PAM: variants seen among roughly 807,000 people sequenced by gnomAD.
PAM encodes the protein peptidylglycine alpha-amidating monooxygenase, also known as peptidyl-glycine alpha-amidating monooxygenase.
A neutral mutation model predicts 122.1 loss-of-function variants in PAM; 72 were observed. That is an observed-to-expected ratio of 0.59 (90% CI 0.49 to 0.72). PAM has a LOEUF of 0.72. PAM is among the 30% of genes least tolerant of loss of function. The pLI is 0.00. For synonymous variants in PAM, 389 were observed against 404.4 expected, an observed-to-expected ratio of 0.96 and a Z score of 0.46; for missense variants, 1,106 against 1,183.7, an observed-to-expected ratio of 0.93 and a Z score of 0.96.
chr5:102,792,648 AT>A (rs1211883887), intron 1 of PAM, among the ~76,000 whole-genome samples: 2 of 152,222 alleles, frequency 1.3e-5, no homozygotes, highest in Non-Finnish European at 2.9e-5. Context: ...AGTATTTGTA[AT>A]TTGGAATCTC....
chr5:102,846,020 A>C (rs1205607080), intron 1 of PAM, among the ~76,000 whole-genome samples: 1 of 152,194 alleles, frequency 6.6e-6, no homozygotes, highest in Non-Finnish European at 1.5e-5. Flanking sequence ...AGTATATACT[A>C]ACTATACCAC....
chr5:102,912,330 G>A (rs775715749), intron 4 of PAM, among the ~76,000 whole-genome samples: 27 of 151,854 alleles, frequency 1.8e-4, no homozygotes, highest in Non-Finnish European at 3.8e-4. Context: ...GATACAATTA[G>A]ACAACAGTTA....
intron 13 of PAM, among the ~76,000 whole-genome samples, chr5:102,960,759 A>G (rs1335642175): frequency 1.3e-5 from 2 of 151,806 alleles, no homozygotes; most frequent in Non-Finnish European, 2.9e-5. Flanking sequence ...GAGAGAAGTT[A>G]GCATAGCATT....
chr5:102,768,057 G>A (rs1170218476), intron 1 of PAM, among the ~76,000 whole-genome samples: 7 of 152,080 alleles, frequency 4.6e-5, no homozygotes, highest in Non-Finnish European at 2.9e-5. Context: ...TGCACAGCAA[G>A]CACTCAGTCT....
chr5:103,012,182 GTTTGCAA>G (rs1258230298), intron 21 of PAM, among the ~76,000 whole-genome samples: 1 of 152,134 alleles, frequency 6.6e-6, no homozygotes, highest in African/African-American at 2.4e-5. Flanking sequence ...TAGATGGGTA[GTTTGCAA>G]TTTTTTTTCC....
chr5:102,858,856 T>C (rs57924344), intron 1 of PAM, among the ~76,000 whole-genome samples: 11,669 of 152,258 alleles, frequency 0.077, 1,242 homozygotes, highest in African/African-American at 0.24. Flanking sequence ...TGCCTCATAA[T>C]GATGCTTTAC....
intron 3 of PAM, among the ~76,000 whole-genome samples, chr5:102,885,080 A>G (rs1792531465): frequency 7.4e-6 from 1 of 134,604 alleles, no homozygotes; most frequent in Non-Finnish European, 1.5e-5. Context: ...TTGTTTAATA[A>G]CTATATATAT....
rs1771112575 is a variant in PAM, at chr5:102,984,631, A to G, written c.1484-5641A>G. On this transcript the variant is annotated intron_variant, in intron 15 of 25. Coordinates refer to ENST00000438793, the MANE Select transcript of PAM (RefSeq NM_001177306.2). ...TGACCTAAAGGGTGAGATAGACTCC[A>G]ACACAATAATGGTTGGGGACCTCAA... 2.0e-5 allele frequency among the ~76,000 whole-genome samples: 3 copies of G among 152,336 alleles called. No individual in the cohort carries two copies. The South Asian group carries it at 6.2e-4, about 32-fold the overall frequency.
At chr5:102,846,450 A>G (rs1185919307) in intron 1 of PAM, among the ~76,000 whole-genome samples, 2 of 152,120 alleles carry the variant, frequency 1.3e-5, no homozygotes, top group African/African-American at 2.4e-5. Context: ...AGGTTGATCT[A>G]TAAGCGGTTT....
At chr5:102,867,853 CT>C (rs949614322) in intron 3 of PAM, among the ~76,000 whole-genome samples, 3 of 152,304 alleles carry the variant, frequency 2.0e-5, no homozygotes, top group Admixed American at 6.5e-5. Flanking sequence ...ACATTCCACT[CT>C]TTTAAAAGTT....
At chr5:102,959,655 G>A (rs1207994526) in intron 12 of PAM, among the ~76,000 whole-genome samples, 1 of 152,064 alleles carries the variant, frequency 6.6e-6, no homozygotes, top group African/African-American at 2.4e-5. Context: ...TTCATGGTGT[G>A]CCTGCAAACT....
chr5:102,925,668 A>G (rs977656809), intron 6 of PAM, among the ~76,000 whole-genome samples: 3 of 152,220 alleles, frequency 2.0e-5, no homozygotes, highest in African/African-American at 4.8e-5. Context: ...TTGCACTTCA[A>G]ATGAGCCTCA....
At chr5:103,001,970 A>G (rs1428814870) in intron 16 of PAM, among the ~76,000 whole-genome samples, 1 of 152,114 alleles carries the variant, frequency 6.6e-6, no homozygotes, top group Non-Finnish European at 1.5e-5. Context: ...AGAAATATTC[A>G]TAAGTCATTT....
chr5:102,781,432 A>G (rs1485078927), intron 1 of PAM, among the ~76,000 whole-genome samples: 1 of 152,212 alleles, frequency 6.6e-6, no homozygotes, highest in Non-Finnish European at 1.5e-5. Flanking sequence ...TCAGAATTTT[A>G]GTTTTGTAAG....
rs1043016739 is a variant in PAM, at chr5:102,764,474, G to A, written c.-374+9126G>A. On this transcript the variant is annotated intron_variant, in intron 1 of 25. Transcript: ENST00000438793. ...AACTAACTGTGCAAAGATTCTCTAC[G>A]AAGCAGCGGTAACAGGTATAAGATA... 2.8e-4 allele frequency among the ~76,000 whole-genome samples: 43 copies of A among 152,140 alleles called. 1 individual carries two copies. The highest frequency in any genetic ancestry group is 1.5e-4 in the Non-Finnish European group (10 of 67,994).
chr5:102,971,888 T>C (rs6881225), intron 14 of PAM, among the ~76,000 whole-genome samples: 39,702 of 152,046 alleles, frequency 0.26, 5,722 homozygotes, highest in East Asian at 0.43. Flanking sequence ...ATGTAAGAGA[T>C]AGCCATCTAG....
rs762105269 is a variant in PAM, at chr5:102,925,005, C to T, written c.405C>T (p.Ala135=). Residue 135 remains alanine (A), a synonymous_variant, in exon 6 of 26, where the codon GCC becomes GCT. Coordinates refer to ENST00000438793, the MANE Select transcript of PAM (RefSeq NM_001177306.2). ...CAGATAAAGCCAATATTCTGTATGC[C>T]TGGGCGAGAAATGCTCCCCCTACCC... is the stretch of plus-strand genomic sequence containing the variant. ...TCTDKANILY[A]WARNAPPTRL... is the part of the protein sequence containing the mutation. 6 of 1,597,454 alleles carry T rather than the reference C, an allele frequency of 3.8e-6. No individual in the cohort carries two copies. In the Admixed American group the frequency reaches 5.0e-5, roughly 13 times the overall value.
upstream of PAM, chr5:102,755,205 A>T (rs888803): frequency 2.0e-5 from 3 of 152,304 alleles, no homozygotes; most frequent in East Asian, 5.8e-4. Context: ...CACGCCGAGG[A>T]GAGGGAGCCC....
chr5:102,913,814 C>G, intron 4 of PAM, 120 bp from the exon 5 acceptor site: 1 of 625,572 alleles, frequency 1.6e-6, no homozygotes, highest in East Asian at 2.8e-5. Flanking sequence ...CATTTGATCA[C>G]AAGAACATCA....
Sources: gnomAD v4.1 joint callset for allele counts (sites outside exome capture counted in the v4.1 genomes callset) on GRCh38, gnomAD v4.1.1 for gene constraint, MANE v1.5 for transcripts, NCBI Gene and HGNC (gene_info 2026-07-23, HGNC 2026-07-21) for gene names.